The following SLC1A3 variants were observed in gnomAD, a reference collection of about 807,000 sequenced individuals.
The protein encoded by SLC1A3 is solute carrier family 1 member 3.
In SLC1A3, 21 loss-of-function variants were observed where a neutral mutation model predicts 48.1. The observed-to-expected ratio is 0.44, with a 90% CI of 0.31 to 0.63. The LOEUF is 0.63. SLC1A3 is among the 20% of genes least tolerant of loss of function. The probability of loss-of-function intolerance (pLI) is 0.08; values close to 1 mark genes in which losing one functional copy is unlikely to be tolerated. For synonymous variants in SLC1A3, 239 were observed against 251.4 expected (o/e 0.95, Z 0.47); for missense variants, 546 against 689.0 (o/e 0.79, Z 2.32).
intron 3 of SLC1A3, among the ~76,000 whole-genome samples, chr5:36,649,765 T>A (rs886670866): frequency 6.6e-6 from 1 of 152,234 alleles, no homozygotes; most frequent in Non-Finnish European, 1.5e-5. Context: ...GTAGCTAATA[T>A]AACCCTTTGC....
At chr5:36,680,344 G>A (rs1472964923) in intron 7 of SLC1A3, 51 bp from the exon 8 acceptor site, 1 of 1,505,866 alleles carries the variant, frequency 6.6e-7, no homozygotes, top group Admixed American at 1.7e-5. Context: ...CGCACAGACA[G>A]TCAGAACTAC....
At chr5:36,611,549 A>G (rs1448044314) in intron 2 of SLC1A3, among the ~76,000 whole-genome samples, 1 of 152,208 alleles carries the variant, frequency 6.6e-6, no homozygotes, top group Non-Finnish European at 1.5e-5. Flanking sequence ...TGTCATTTCT[A>G]AGCAATGTCA....
intron 3 of SLC1A3, among the ~76,000 whole-genome samples, chr5:36,656,018 G>T (rs1741270418): frequency 6.6e-6 from 1 of 152,178 alleles, no homozygotes; most frequent in African/African-American, 2.4e-5. Flanking sequence ...AGCTGTAAAT[G>T]ACTGAGAACA....
At chr5:36,655,974 G>A (rs186345553) in intron 3 of SLC1A3, among the ~76,000 whole-genome samples, 1 of 152,258 alleles carries the variant, frequency 6.6e-6, no homozygotes, top group East Asian at 1.9e-4. Context: ...TTGCTCCTCA[G>A]TAATCAGATA....
At chr5:36,665,115 T>C (rs746587360) in intron 3 of SLC1A3, among the ~76,000 whole-genome samples, 6 of 152,174 alleles carry the variant, frequency 3.9e-5, no homozygotes, top group Non-Finnish European at 5.9e-5. Flanking sequence ...TTTGGATTAA[T>C]TGGGGGAAGA....
At chr5:36,612,069 G>GCA (rs528207853) in intron 2 of SLC1A3, among the ~76,000 whole-genome samples, 2,492 of 143,238 alleles carry the variant, frequency 0.017, 34 homozygotes, top group South Asian at 0.04. Context: ...TGGCGCACGC[G>GCA]CACACACACA....
intron 9 of SLC1A3, among the ~76,000 whole-genome samples, 195 bp from the exon 10 acceptor site, chr5:36,685,870 T>G (rs377693721): frequency 2.0e-5 from 3 of 152,232 alleles, no homozygotes; most frequent in East Asian, 3.8e-4. Context: ...AACTGAACAT[T>G]CATCATCTAT....
In SLC1A3 at chr5:36,679,831, A is replaced by G. The variant is rs765536752; in HGVS notation, c.1065A>G (p.Ala355=). 1 of 1,613,996 alleles carries G rather than the reference A, an allele frequency of 6.2e-7. No homozygotes were observed. Among genetic ancestry groups the G allele is most frequent in the Non-Finnish European group, 8.5e-7 (1 of 1,179,890 alleles). ...PWVFIGGLLQ[A]LITALGTSSS... ...TTTTTATTGGAGGGTTGCTGCAAGC[A>G]CTCATCACCGCTCTGGGGACCTCTT... Residue 355 remains alanine (A), a synonymous_variant, in exon 7 of 10, where the codon GCA becomes GCG. Transcript: ENST00000265113.
At chr5:36,606,465 G>A (rs1444657706), upstream of SLC1A3, 3 of 152,378 alleles carry the variant, frequency 2.0e-5, no homozygotes, top group African/African-American at 7.2e-5. Flanking sequence ...GCCTGCTTCT[G>A]GTGTGCCAAG....
At chr5:36,634,305 T>A (rs943892743) in intron 3 of SLC1A3, among the ~76,000 whole-genome samples, 12 of 151,720 alleles carry the variant, frequency 7.9e-5, no homozygotes, top group Non-Finnish European at 1.8e-4. Context: ...AATAAATAAA[T>A]AAATAAATAG....
At chr5:36,666,577 T>TTCCC (rs1032634329) in intron 3 of SLC1A3, 3 of 152,146 alleles carry the variant, frequency 2.0e-5, no homozygotes, top group Admixed American at 2.0e-4. Flanking sequence ...AAACCAGAGA[T>TTCCC]GGGAATTGTT....
chr5:36,603,686 C>CTTACTTGTGGTAGGTATCACAAGT (rs1265684522), upstream of SLC1A3, among the ~76,000 whole-genome samples: 1 of 152,184 alleles, frequency 6.6e-6, no homozygotes, highest in East Asian at 1.9e-4. Context: ...AGTTCTTCTA[C>CTTACTTGTGGTAGGTATCACAAGT]ACCTACTGCC....
rs1561282707 is a variant in SLC1A3, at chr5:36,677,204, A to G, written c.860+20A>G. 1.9e-6 allele frequency: 3 copies of G among 1,594,504 alleles called. No individual in the cohort carries two copies. The highest frequency in any genetic ancestry group is 2.6e-6 in the Non-Finnish European group (3 of 1,162,276). On this transcript the variant is annotated intron_variant, in intron 6 of 9. Coordinates refer to ENST00000265113, the MANE Select transcript of SLC1A3 (RefSeq NM_004172.5). ...AATGTGGTATGTATTTCCATTTTCTATATATGTTATATACGAGATGGTTAT... is the reference window on the plus strand; with the variant it reads ...AATGTGGTATGTATTTCCATTTTCTGTATATGTTATATACGAGATGGTTAT...
chr5:36,598,505 T>C (rs1266122215), intron 1 of SLC1A3, among the ~76,000 whole-genome samples: 2 of 152,178 alleles, frequency 1.3e-5, no homozygotes, highest in African/African-American at 4.8e-5. Flanking sequence ...CCCTACCAAT[T>C]CTATCTTTTT....
intron 3 of SLC1A3, among the ~76,000 whole-genome samples, chr5:36,653,338 AC>A (rs1207676866): frequency 2.0e-5 from 3 of 152,210 alleles, no homozygotes; most frequent in Non-Finnish European, 4.4e-5. Flanking sequence ...TACAATTTCA[AC>A]AGCTTTTAGG....
upstream of SLC1A3, among the ~76,000 whole-genome samples, chr5:36,605,337 A>G (rs1483548511): frequency 6.6e-6 from 1 of 152,212 alleles, no homozygotes; most frequent in Non-Finnish European, 1.5e-5. Flanking sequence ...GAATGTCAAA[A>G]GCATGTACTT....
intron 7 of SLC1A3, 145 bp from the exon 8 acceptor site, chr5:36,680,250 C>CT: frequency 1.3e-6 from 1 of 741,478 alleles, no homozygotes; most frequent in South Asian, 1.5e-5. Context: ...TCTTAACCTG[C>CT]TCCCCTATTT....
At chr5:36,612,185 TCACACACACACACATA>T (rs1237473354) in intron 2 of SLC1A3, among the ~76,000 whole-genome samples, 4 of 151,518 alleles carry the variant, frequency 2.6e-5, no homozygotes, top group Admixed American at 2.6e-4. Flanking sequence ...TATTGATCTC[TCACACACACACACATA>T]CACACACACT....
At chr5:36,623,778 C>T (rs1016956210) in intron 2 of SLC1A3, among the ~76,000 whole-genome samples, 1 of 150,330 alleles carries the variant, frequency 6.7e-6, no homozygotes, top group Non-Finnish European at 1.5e-5. Context: ...GCAGGAGAAT[C>T]GCTTGAACCC....
Sources: gnomAD v4.1 joint callset for allele counts (sites outside exome capture counted in the v4.1 genomes callset) on GRCh38, gnomAD v4.1.1 for gene constraint, MANE v1.5 for transcripts, NCBI Gene and HGNC (gene_info 2026-07-23, HGNC 2026-07-21) for gene names.